ZNF248: variants seen among roughly 807,000 people sequenced by gnomAD.
The protein encoded by ZNF248 is zinc finger protein 248.
Under a neutral mutation model 44.3 loss-of-function variants are expected in ZNF248, and 20 were observed. The ratio of observed to expected loss-of-function variants is 0.45; its 90% confidence interval spans 0.32 to 0.66. The LOEUF is 0.66. Ranked by LOEUF, ZNF248 falls within the 30% of genes least tolerant of loss-of-function variation. ZNF248 has a pLI of 0.04. For missense variants in ZNF248, 654 were observed against 677.0 expected (o/e 0.97, Z 0.38); for synonymous variants, 224 against 229.0 (o/e 0.98, Z 0.20).
the ZNF248 span, among the ~76,000 whole-genome samples, chr10:37,768,920 TA>T: frequency 6.6e-6 from 1 of 151,754 alleles, no homozygotes; most frequent in Non-Finnish European, 1.5e-5. Flanking sequence ...ACAGACGCAA[TA>T]AAAAATGATA....
chr10:37,787,620 GTT>G (rs2048036287), intron 6 of ZNF248, among the ~76,000 whole-genome samples: 1 of 148,444 alleles, frequency 6.7e-6, no homozygotes, highest in Non-Finnish European at 1.5e-5. Flanking sequence ...CACAAATCAT[GTT>G]GGGACAATTG....
intron 3 of ZNF248, among the ~76,000 whole-genome samples, chr10:37,846,385 G>A (rs1356056307): frequency 6.6e-6 from 1 of 152,174 alleles, no homozygotes; most frequent in Non-Finnish European, 1.5e-5. Flanking sequence ...TGCAATCCCA[G>A]CACTTTGGGA....
downstream of ZNF248, among the ~76,000 whole-genome samples, chr10:37,774,313 T>G (rs931498556): frequency 6.6e-6 from 1 of 152,118 alleles, no homozygotes; most frequent in African/African-American, 2.4e-5. Context: ...TACACCAATA[T>G]TTTGCAAAAA....
chr10:37,856,816 T>C (rs1476678656), intron 1 of ZNF248: 8 of 758,998 alleles, frequency 1.1e-5, no homozygotes, highest in South Asian at 6.0e-5. Flanking sequence ...AACTGTGATA[T>C]AGAGTAACAA....
At chr10:37,838,262 T>C in intron 3 of ZNF248, 151 bp from the exon 4 acceptor site, 1 of 617,684 alleles carries the variant, frequency 1.6e-6, no homozygotes, top group Non-Finnish European at 2.5e-6. Flanking sequence ...ATATCTTGTA[T>C]AAATTGAGTT....
At chr10:37,802,481 G>A (rs2133230440) in intron 6 of ZNF248, among the ~76,000 whole-genome samples, 1 of 152,284 alleles carries the variant, frequency 6.6e-6, no homozygotes, top group East Asian at 1.9e-4. Context: ...TTAGATCACT[G>A]TAAATATTTC....
chr10:37,798,387 A>G (rs1472481417), intron 6 of ZNF248, among the ~76,000 whole-genome samples: 4 of 152,160 alleles, frequency 2.6e-5, no homozygotes, highest in African/African-American at 7.2e-5. Context: ...TTGTACAACT[A>G]TATGAATATA....
the ZNF248 span, among the ~76,000 whole-genome samples, chr10:37,767,464 A>C: frequency 6.6e-6 from 1 of 152,240 alleles, no homozygotes; most frequent in Non-Finnish European, 1.5e-5. Flanking sequence ...AGTGGGGGCC[A>C]ATATTCAACA....
chr10:37,793,056 G>A (rs140923645), intron 6 of ZNF248, among the ~76,000 whole-genome samples: 16 of 152,120 alleles, frequency 1.1e-4, no homozygotes, highest in African/African-American at 2.7e-4. Flanking sequence ...AATATTGGCC[G>A]GGCGCGGTGG....
At chr10:37,839,340 A>G (rs1023386787) in intron 3 of ZNF248, among the ~76,000 whole-genome samples, 20 of 152,306 alleles carry the variant, frequency 1.3e-4, no homozygotes, top group African/African-American at 4.8e-4. Context: ...TCATAGCCAT[A>G]AGTATGACTA....
intron 6 of ZNF248, chr10:37,795,568 T>G (rs2049056665): frequency 6.6e-6 from 1 of 152,156 alleles, no homozygotes; most frequent in African/African-American, 2.4e-5. Context: ...CATTAAATCC[T>G]TAGTGTGGCC....
chr10:37,843,164 C>G (rs546783630), intron 3 of ZNF248, among the ~76,000 whole-genome samples: 1 of 152,080 alleles, frequency 6.6e-6, no homozygotes, highest in African/African-American at 2.4e-5. Flanking sequence ...AGCATATGGC[C>G]GAGCATGGTG....
At chr10:37,784,885 T>C (rs1050473631) in intron 6 of ZNF248, among the ~76,000 whole-genome samples, 4 of 152,186 alleles carry the variant, frequency 2.6e-5, no homozygotes, top group African/African-American at 9.7e-5. Context: ...AAAACACCTA[T>C]GTCAGCATTT....
intron 6 of ZNF248, among the ~76,000 whole-genome samples, chr10:37,777,459 A>G (rs542881608): frequency 8.6e-5 from 13 of 151,434 alleles, no homozygotes; most frequent in Admixed American, 5.9e-4. Context: ...TTCCAGCCCA[A>G]TGCGTCTCCA....
chr10:37,775,092 A>C (rs888419895), downstream of ZNF248, among the ~76,000 whole-genome samples: 5 of 152,162 alleles, frequency 3.3e-5, no homozygotes, highest in Non-Finnish European at 7.3e-5. Flanking sequence ...TCTTACGGTC[A>C]AAACAAAGCA....
intron 6 of ZNF248, chr10:37,784,087 T>C (rs1419644954): frequency 6.6e-6 from 1 of 152,560 alleles, no homozygotes; most frequent in Non-Finnish European, 1.5e-5. Flanking sequence ...GTGCTGGGAT[T>C]ATAGGCGTGA....
At chr10:37,855,459 A>G (rs2061117367) in intron 3 of ZNF248, among the ~76,000 whole-genome samples, 1 of 152,212 alleles carries the variant, frequency 6.6e-6, no homozygotes, top group Non-Finnish European at 1.5e-5. Flanking sequence ...AAATGAAACC[A>G]GTCAGGAAAA....
At chr10:37,810,741 A>G (rs2051355608) in intron 6 of ZNF248, among the ~76,000 whole-genome samples, 1 of 152,226 alleles carries the variant, frequency 6.6e-6, no homozygotes, top group Admixed American at 6.5e-5. Flanking sequence ...AAAATTTATT[A>G]AAACATACAC....
intron 6 of ZNF248, chr10:37,819,716 T>C (rs1337504610): frequency 1.3e-6 from 1 of 782,890 alleles, no homozygotes; most frequent in Admixed American, 1.7e-5. Flanking sequence ...TTGTTCATGG[T>C]ATTCTGCTAA....
Sources: gnomAD v4.1 joint callset for allele counts (sites outside exome capture counted in the v4.1 genomes callset) on GRCh38, gnomAD v4.1.1 for gene constraint, MANE v1.5 for transcripts, NCBI Gene and HGNC (gene_info 2026-07-23, HGNC 2026-07-21) for gene names.